Variants in ROR2 observed in about 807,000 individuals in gnomAD.
ROR2 encodes ROR family WNT receptor 2.
ROR2 carries 33 observed loss-of-function variants against 74.9 expected under a neutral mutation model. That is an observed-to-expected ratio of 0.44 (90% CI 0.33 to 0.59). ROR2 has a LOEUF of 0.59. ROR2 is among the 20% of genes least tolerant of loss of function. The probability of loss-of-function intolerance (pLI) is 0.02; values close to 1 mark genes in which losing one functional copy is unlikely to be tolerated. For missense variants in ROR2, 1,216 were observed against 1,313.8 expected (o/e 0.93, Z 1.15); for synonymous variants, 586 against 558.7 (o/e 1.05, Z -0.69).
intron 7 of ROR2, among the ~76,000 whole-genome samples, chr9:91,726,976 A>C (rs1453116454): frequency 6.6e-6 from 1 of 152,190 alleles, no homozygotes; most frequent in Non-Finnish European, 1.5e-5. Flanking sequence ...CAACCTGGAA[A>C]CAAGCGGGAA....
chr9:91,794,611 G>A (rs1827109916), intron 1 of ROR2, among the ~76,000 whole-genome samples: 2 of 152,012 alleles, frequency 1.3e-5, no homozygotes, highest in African/African-American at 4.8e-5. Flanking sequence ...TTGAGGCAGA[G>A]TCTCTGTCAC....
At chr9:91,928,110 C>A (rs962019535) in intron 1 of ROR2, among the ~76,000 whole-genome samples, 2 of 152,106 alleles carry the variant, frequency 1.3e-5, no homozygotes, top group African/African-American at 4.8e-5. Flanking sequence ...CCTGCCACCA[C>A]CTTCTGCATT....
intron 2 of ROR2, among the ~76,000 whole-genome samples, chr9:91,769,797 T>C (rs1027069543): frequency 1.4e-4 from 21 of 152,290 alleles, no homozygotes; most frequent in African/African-American, 4.8e-4. Flanking sequence ...GGTCCTCCTG[T>C]GGTTCCCACA....
chr9:91,882,239 A>C (rs550766727), intron 1 of ROR2, among the ~76,000 whole-genome samples: 6 of 151,950 alleles, frequency 3.9e-5, no homozygotes, highest in African/African-American at 1.4e-4. Flanking sequence ...GTGAAACCCT[A>C]TCTCTACTAA....
chr9:91,861,189 A>G (rs1829458736), intron 1 of ROR2, among the ~76,000 whole-genome samples: 1 of 152,200 alleles, frequency 6.6e-6, no homozygotes, highest in African/African-American at 2.4e-5. Flanking sequence ...ATACTCCTCA[A>G]ATTTTTCTAT....
intron 1 of ROR2, among the ~76,000 whole-genome samples, chr9:91,806,402 C>A (rs1447411269): frequency 1.3e-5 from 2 of 151,966 alleles, no homozygotes; most frequent in Admixed American, 6.5e-5. Context: ...AGGGTTCCAC[C>A]CTCCTGATCT....
At chr9:91,904,080 G>C (rs887946245) in intron 1 of ROR2, among the ~76,000 whole-genome samples, 1 of 150,352 alleles carries the variant, frequency 6.7e-6, no homozygotes, top group Non-Finnish European at 1.5e-5. Context: ...TCGCTCTGCC[G>C]CATAGGCTGG....
At chr9:91,919,967 C>T (rs952713990) in intron 1 of ROR2, among the ~76,000 whole-genome samples, 3 of 152,152 alleles carry the variant, frequency 2.0e-5, no homozygotes, top group African/African-American at 7.2e-5. Context: ...GCAGCACCCA[C>T]CGCCATCCCA....
At chr9:91,890,780 T>C (rs1302288890) in intron 1 of ROR2, among the ~76,000 whole-genome samples, 2 of 152,250 alleles carry the variant, frequency 1.3e-5, no homozygotes, top group Admixed American at 1.3e-4. Flanking sequence ...TCTTCTCCTG[T>C]GTTTTACCTT....
intron 1 of ROR2, among the ~76,000 whole-genome samples, chr9:91,926,998 C>T (rs555299681): frequency 1.2e-4 from 18 of 152,274 alleles, no homozygotes; most frequent in Admixed American, 2.0e-4. Context: ...TAAGATGGCA[C>T]ATTCTATGTT....
rs891393900 is a variant in ROR2, at chr9:91,733,585, G to A, written c.623-149C>T. 11 of 695,828 alleles carry A rather than the reference G, an allele frequency of 1.6e-5. No individual in the cohort carries two copies. The highest frequency in any genetic ancestry group is 6.3e-6 in the Non-Finnish European group (3 of 472,712). The allele number at this position is 695,828 out of a possible 1,614,324, so 43.1% of individuals were successfully genotyped here. On this transcript the variant is annotated intron_variant, in intron 5 of 8. Transcript: ENST00000375708. The surrounding 1 kb of genome is among the most constrained non-coding windows in gnomAD (Gnocchi z 5.7). ...CCCAGACTCCCCAACCCCGAGCCCCGCACACCACCCTGGAGAGGCTCCCCA... is the reference window on the plus strand; with the variant it reads ...CCCAGACTCCCCAACCCCGAGCCCCACACACCACCCTGGAGAGGCTCCCCA...
At chr9:91,928,824 T>G (rs990871401) in intron 1 of ROR2, among the ~76,000 whole-genome samples, 2 of 152,236 alleles carry the variant, frequency 1.3e-5, no homozygotes, top group African/African-American at 4.8e-5. Context: ...GTGTCAATCA[T>G]GCAAGCTCCA....
intron 1 of ROR2, among the ~76,000 whole-genome samples, chr9:91,811,160 A>C (rs1433136831): frequency 6.6e-6 from 1 of 152,236 alleles, no homozygotes; most frequent in Non-Finnish European, 1.5e-5. Context: ...CACCTCCCCT[A>C]GGCCGGGACA....
intron 1 of ROR2, among the ~76,000 whole-genome samples, chr9:91,889,044 A>G (rs1219086650): frequency 6.6e-6 from 1 of 152,190 alleles, no homozygotes; most frequent in Non-Finnish European, 1.5e-5. Context: ...CTCATTTGGA[A>G]GAGAGACCGT....
At chr9:91,785,993 A>G (rs988233211) in intron 1 of ROR2, among the ~76,000 whole-genome samples, 4 of 152,120 alleles carry the variant, frequency 2.6e-5, no homozygotes, top group African/African-American at 9.7e-5. Flanking sequence ...CATACACACG[A>G]CAGAAGTGTC....
Position 91,726,761 on chromosome 9 carries a change from T to C in ROR2, c.1184-18A>G. 6.2e-7 allele frequency: 1 copy of C among 1,612,700 alleles called. No homozygotes were observed. Among genetic ancestry groups the C allele is most frequent in the Non-Finnish European group, 8.5e-7 (1 of 1,179,084 alleles). On this transcript the variant is annotated intron_variant, in intron 7 of 8. Transcript: ENST00000375708. Reference sequence around the variant, plus strand: ...TCGGGGACCTGTGAACAATAAGGCTTTCGTGATTTTTCAGAAAACATCCCT... The same window carrying C: ...TCGGGGACCTGTGAACAATAAGGCTCTCGTGATTTTTCAGAAAACATCCCT...
intron 1 of ROR2, among the ~76,000 whole-genome samples, chr9:91,914,412 T>A (rs1267674613): frequency 6.6e-6 from 1 of 152,198 alleles, no homozygotes; most frequent in Non-Finnish European, 1.5e-5. Context: ...TTGGGCTGTA[T>A]TATGAAAGAA....
chr9:91,809,958 C>T (rs7858240), intron 1 of ROR2, among the ~76,000 whole-genome samples: 14,876 of 152,278 alleles, frequency 0.098, 1,193 homozygotes, highest in East Asian at 0.31. Context: ...TTTGTGGCAA[C>T]TTGGTAAAGC....
At chr9:91,726,519 A>G in intron 8 of ROR2, 22 bp downstream of exon 8, 5 of 1,608,802 alleles carry the variant, frequency 3.1e-6, no homozygotes, top group Non-Finnish European at 4.2e-6. Context: ...CCACCCGGGT[A>G]GAAAATGTAA....
Sources: gnomAD v4.1 joint callset for allele counts (sites outside exome capture counted in the v4.1 genomes callset) on GRCh38, gnomAD v4.1.1 for gene constraint, Gnocchi (gnomAD v3.1) non-coding constraint, MANE v1.5 for transcripts, NCBI Gene and HGNC (gene_info 2026-07-23, HGNC 2026-07-21) for gene names.